Variants in ADAM7 observed in about 807,000 individuals in gnomAD.
ADAM7 encodes ADAM metallopeptidase domain 7, also known as disintegrin and metalloproteinase domain-containing protein 7.
Under a neutral mutation model 102.9 loss-of-function variants are expected in ADAM7, and 97 were observed. The ratio of observed to expected loss-of-function variants is 0.94; its 90% CI spans 0.80 to 1.12. The LOEUF (loss-of-function observed/expected upper bound fraction) is 1.12, where lower values mean the gene tolerates loss of function less well. Ranked by LOEUF, ADAM7 falls within the 50% of genes most tolerant of loss-of-function variation. The probability of loss-of-function intolerance (pLI) is 0.00; values close to 1 mark genes in which losing one functional copy is unlikely to be tolerated. For synonymous variants in ADAM7, 334 were observed against 304.4 expected (o/e 1.10, Z -1.01); for missense variants, 991 against 908.7 (o/e 1.09, Z -1.16).
At position 24,476,509 on chromosome 8, in the gene ADAM7, G is replaced by T. The variant is rs1819773152; in HGVS notation, c.705+5G>T. The T allele has an allele frequency of 3.7e-6, 6 of 1,602,116 alleles. No individual in the cohort carries two copies. The Admixed American group carries it at 5.0e-5, about 13-fold the overall frequency. ...ATGGTCAATTTTGTCAACATGGTAA[G>T]ATTTGATACAGTTTTTGAATCAAGC... On this transcript the variant is annotated splice_donor_5th_base_variant and intron_variant, in intron 8 of 21. Transcript: ENST00000175238.
intron 7 of ADAM7, 65 bp from the exon 8 acceptor site, chr8:24,476,368 A>G: frequency 1.6e-6 from 2 of 1,242,238 alleles, no homozygotes; most frequent in Admixed American, 2.0e-5. Context: ...TGAATGAAGT[A>G]TTTTGTTGAG....
intron 3 of ADAM7, among the ~76,000 whole-genome samples, chr8:24,449,846 C>A (rs1233054535): frequency 6.6e-6 from 1 of 152,156 alleles, no homozygotes; most frequent in East Asian, 1.9e-4. Context: ...AAGAAGAGAT[C>A]CAGTTTCAGC....
At position 24,504,699 on chromosome 8, in the gene ADAM7, C is replaced by T. The variant is rs188458022; in HGVS notation, c.2209-2781C>T. 3.8e-3 allele frequency among the ~76,000 whole-genome samples: 571 copies of T among 152,146 alleles called. 2 individuals are homozygous for T. The highest frequency in any genetic ancestry group is 5.8e-3 in the Non-Finnish European group (397 of 68,012). On this transcript the variant is annotated intron_variant, in intron 20 of 21. Coordinates refer to ENST00000175238, the MANE Select transcript of ADAM7 (RefSeq NM_003817.4). Reference sequence around the variant, plus strand: ...TCCAGAGGTTTCGAATGCTTTGCCACGGCTTTAGGCATGCCATAAGCCTTG... The same window carrying T: ...TCCAGAGGTTTCGAATGCTTTGCCATGGCTTTAGGCATGCCATAAGCCTTG...
At chr8:24,479,107 G>A (rs1190106033) in intron 8 of ADAM7, among the ~76,000 whole-genome samples, 2 of 152,070 alleles carry the variant, frequency 1.3e-5, no homozygotes, top group East Asian at 1.9e-4. Context: ...TTTATTGAGA[G>A]CCAGCACCTC....
At chr8:24,475,905 G>C (rs941975775) in intron 7 of ADAM7, 4 of 456,346 alleles carry the variant, frequency 8.8e-6, no homozygotes, top group African/African-American at 2.0e-5. Flanking sequence ...GAAAAGTCTG[G>C]TTTGCCCTCG....
chr8:24,468,892 G>A, intron 7 of ADAM7, 72 bp downstream of exon 7: 1 of 1,384,328 alleles, frequency 7.2e-7, no homozygotes, highest in Non-Finnish European at 1.0e-6. Context: ...CTAGCATAGA[G>A]AGAAAGGTAT....
At position 24,447,208 on chromosome 8, in the gene ADAM7, T is replaced by C. The variant is rs896105735; in HGVS notation, c.179T>C (p.Leu60Ser). The change falls in exon 3 of 22, where the codon TTG becomes TCG. Residue 60 changes from leucine to serine, a missense_variant. Coordinates refer to ENST00000175238, the MANE Select transcript of ADAM7 (RefSeq NM_003817.4). Reference protein sequence around the residue: ...DILKTYEEELLYEIKLNRKTL... With the variant: ...DILKTYEEELSYEIKLNRKTL... Reference sequence around the variant, plus strand: ...TAGAAAACGTATGAAGAAGAATTGTTGTATGAAATAAAACTAAATAGAAAA... The same window carrying C: ...TAGAAAACGTATGAAGAAGAATTGTCGTATGAAATAAAACTAAATAGAAAA... 2.6e-6 allele frequency: 4 copies of C among 1,553,962 alleles called. No individual in the cohort carries two copies. The highest frequency in any genetic ancestry group is 2.6e-6 in the Non-Finnish European group (3 of 1,138,698).
intron 3 of ADAM7, among the ~76,000 whole-genome samples, chr8:24,452,033 G>T (rs1818813902): frequency 6.6e-6 from 1 of 152,164 alleles, no homozygotes; most frequent in Non-Finnish European, 1.5e-5. Flanking sequence ...TGCAATTTCT[G>T]TTCTTTTACA....
chr8:24,485,184 G>C, intron 9 of ADAM7, 93 bp from the exon 10 acceptor site: 1 of 1,124,230 alleles, frequency 8.9e-7, no homozygotes, highest in Non-Finnish European at 1.3e-6. Flanking sequence ...ACATGCAAAA[G>C]CATTGGCATT....
At position 24,471,793 on chromosome 8, in the gene ADAM7, A is replaced by G. The variant is rs118079437; in HGVS notation, c.633+2973A>G. Among the ~76,000 whole-genome samples the G allele has an allele frequency of 3.9e-3, 596 of 152,160 alleles. 4 individuals carry two copies. Among genetic ancestry groups the G allele is most frequent in the Admixed American group, 0.011 (175 of 15,266 alleles). On this transcript the variant is annotated intron_variant, in intron 7 of 21. Transcript: ENST00000175238. ...GAATAGTAAATACAAAAACAGAAAA[A>G]AATATGTGAAGGTAATTCCAAATGT...
chr8:24,446,119 G>C (rs1722183418), intron 2 of ADAM7, among the ~76,000 whole-genome samples: 1 of 152,148 alleles, frequency 6.6e-6, no homozygotes, highest in South Asian at 2.1e-4. Context: ...TGAATGAACA[G>C]TCATCTCAAA....
chr8:24,457,863 A>AGTGTGTGTGTGT (rs58099346), intron 3 of ADAM7, among the ~76,000 whole-genome samples: 39 of 147,978 alleles, frequency 2.6e-4, no homozygotes, highest in African/African-American at 9.7e-4. Flanking sequence ...TATGTGTGTG[A>AGTGTGTGTGTGT]GTGTGTGTGT....
At chr8:24,458,148 T>C (rs1819107466) in intron 3 of ADAM7, among the ~76,000 whole-genome samples, 1 of 152,160 alleles carries the variant, frequency 6.6e-6, no homozygotes, top group Non-Finnish European at 1.5e-5. Context: ...ATCAGAATTG[T>C]TTATTTATTC....
At chr8:24,490,122 A>C (rs1282750611) in intron 12 of ADAM7, among the ~76,000 whole-genome samples, 1 of 152,182 alleles carries the variant, frequency 6.6e-6, no homozygotes, top group Non-Finnish European at 1.5e-5. Flanking sequence ...GAGGTCTAGT[A>C]GGACAGCAGT....
At chr8:24,448,988 T>C (rs962047203) in intron 3 of ADAM7, among the ~76,000 whole-genome samples, 2 of 152,236 alleles carry the variant, frequency 1.3e-5, no homozygotes, top group Non-Finnish European at 2.9e-5. Flanking sequence ...GAACTCATCC[T>C]TTTTTATGGC....
chr8:24,453,942 G>A (rs538777441), intron 3 of ADAM7, among the ~76,000 whole-genome samples: 75 of 152,312 alleles, frequency 4.9e-4, no homozygotes, highest in Admixed American at 4.1e-3. Context: ...CTGGGTATCC[G>A]CAGCAGTGGC....
chr8:24,457,887 T>C (rs1819098800), intron 3 of ADAM7, among the ~76,000 whole-genome samples: 1 of 151,890 alleles, frequency 6.6e-6, no homozygotes, highest in Non-Finnish European at 1.5e-5. Flanking sequence ...TGTGTGTGTG[T>C]GTGTAATTTG....
intron 7 of ADAM7, among the ~76,000 whole-genome samples, chr8:24,471,675 G>T (rs1023493468): frequency 1.3e-5 from 2 of 151,930 alleles, no homozygotes; most frequent in African/African-American, 4.8e-5. Flanking sequence ...TATGATGTTT[G>T]CACAAAGAAG....
intron 12 of ADAM7, 47 bp downstream of exon 12, chr8:24,489,380 G>A (rs1820257409): frequency 1.3e-6 from 2 of 1,543,440 alleles, no homozygotes; most frequent in East Asian, 4.6e-5. Context: ...TTATGATCAG[G>A]TAGAACCTAG....
Sources: allele counts gnomAD v4.1 joint callset (sites outside exome capture counted in the v4.1 genomes callset), GRCh38; gene constraint gnomAD v4.1.1; transcripts MANE v1.5; gene names NCBI Gene and HGNC (gene_info 2026-07-23, HGNC 2026-07-21).